The following PDS5B variants were observed in gnomAD, a reference collection of about 807,000 sequenced individuals.
The protein encoded by PDS5B is sister chromatid cohesion protein PDS5 homolog B.
PDS5B carries 51 observed loss-of-function variants against 184.1 expected under a neutral mutation model. That is an observed-to-expected ratio of 0.28 (90% CI 0.22 to 0.35). The LOEUF is 0.35. PDS5B is among the 10% of genes least tolerant of loss of function. The probability of loss-of-function intolerance (pLI) is 1.00; values close to 1 mark genes in which losing one functional copy is unlikely to be tolerated. For synonymous variants in PDS5B, 566 were observed against 569.2 expected, an observed-to-expected ratio of 0.99 and a Z score of 0.08; for missense variants, 1,180 against 1,723.3, an observed-to-expected ratio of 0.68 and a Z score of 5.58.
chr13:32,767,117 T>G (rs1954610415), intron 31 of PDS5B, among the ~76,000 whole-genome samples: 1 of 152,154 alleles, frequency 6.6e-6, no homozygotes, highest in African/African-American at 2.4e-5. Context: ...TCTTTTACTA[T>G]GATAGTATAT....
intron 10 of PDS5B, among the ~76,000 whole-genome samples, chr13:32,682,851 C>T (rs938635600): frequency 5.3e-5 from 8 of 152,048 alleles, no homozygotes; most frequent in African/African-American, 1.9e-4. Flanking sequence ...AGTGTTCTTC[C>T]TGGAAATAAG....
At chr13:32,629,181 A>G (rs1239494550) in intron 1 of PDS5B, among the ~76,000 whole-genome samples, 2 of 152,162 alleles carry the variant, frequency 1.3e-5, no homozygotes, top group African/African-American at 4.8e-5. Flanking sequence ...TATATTGCAC[A>G]TTGTTATAAT....
chr13:32,667,843 A>G lies in PDS5B; in HGVS notation c.704A>G (p.Asn235Ser). ...CAAGCTATTGAGCCATATATTACCA[A>G]TGTAAGTCTTACTTGTAATTGGTTG... ...TAQAIEPYIT[N>S]FFNQVLMLGK... is the part of the protein sequence containing the mutation. The change falls in exon 7 of 35, where the codon AAT becomes AGT. Residue 235 changes from asparagine (N) to serine (S), a missense_variant and splice_region_variant. Transcript: ENST00000315596. 3 of 1,540,858 alleles carry G rather than the reference A, an allele frequency of 1.9e-6. No individual in the cohort carries two copies. Among genetic ancestry groups the G allele is most frequent in the Non-Finnish European group, 2.6e-6 (3 of 1,138,710 alleles).
At chr13:32,588,184 G>A (rs953647369) in intron 1 of PDS5B, among the ~76,000 whole-genome samples, 2 of 152,198 alleles carry the variant, frequency 1.3e-5, no homozygotes, top group Non-Finnish European at 2.9e-5. Flanking sequence ...ATTCAATGGT[G>A]TATGCAGGTC....
At chr13:32,757,294 C>T (rs563319374) in intron 26 of PDS5B, among the ~76,000 whole-genome samples, 1 of 152,120 alleles carries the variant, frequency 6.6e-6, no homozygotes, top group African/African-American at 2.4e-5. Flanking sequence ...TCTAAGTAGC[C>T]CCAGTGTAGC....
At chr13:32,624,571 G>A (rs148338022) in intron 1 of PDS5B, among the ~76,000 whole-genome samples, 2 of 152,090 alleles carry the variant, frequency 1.3e-5, no homozygotes, top group South Asian at 4.1e-4. Flanking sequence ...TTGGCAATGA[G>A]GTTATAATAT....
In PDS5B at chr13:32,646,369, G is replaced by GTTTTT. The variant is rs58539534; in HGVS notation, c.-19-2366_-19-2362dup. Among the ~76,000 whole-genome samples the GTTTTT allele has an allele frequency of 1.5e-4, 16 of 106,070 alleles. 2 individuals are homozygous for GTTTTT. Among genetic ancestry groups the GTTTTT allele is most frequent in the African/African-American group, 5.5e-4 (14 of 25,564 alleles). 69.6% of individuals were successfully genotyped at this position (106,070 alleles called of 152,430 possible). A position where few individuals can be genotyped will look rare whatever the true frequency, so the allele number is the denominator to read the frequency against. Reference sequence around the variant, plus strand: ...CAATGATTTATTCTCTCATGGCTGTGTTTTTTTTTTTTTTTTTTTTTTTGC... The same window carrying GTTTTT: ...CAATGATTTATTCTCTCATGGCTGTGTTTTTTTTTTTTTTTTTTTTTTTTTTTTGC... On this transcript the variant is annotated intron_variant, in intron 1 of 34. Transcript: ENST00000315596.
chr13:32,766,864 T>C (rs927370601), intron 31 of PDS5B, among the ~76,000 whole-genome samples: 2 of 152,150 alleles, frequency 1.3e-5, no homozygotes, highest in Admixed American at 1.3e-4. Context: ...TTTCCAGAGC[T>C]TAAAGGAAAT....
At chr13:32,612,775 A>G (rs1042213459) in intron 1 of PDS5B, among the ~76,000 whole-genome samples, 3 of 152,192 alleles carry the variant, frequency 2.0e-5, no homozygotes, top group East Asian at 3.8e-4. Flanking sequence ...GCCTTCCACC[A>G]TATTATGTGG....
intron 1 of PDS5B, among the ~76,000 whole-genome samples, chr13:32,643,921 C>T (rs2140635120): frequency 6.6e-6 from 1 of 152,218 alleles, no homozygotes; most frequent in South Asian, 2.1e-4. Context: ...CCTGGAACGT[C>T]GATGAACTAG....
chr13:32,750,959 G>C (rs779126593), intron 24 of PDS5B, among the ~76,000 whole-genome samples: 8 of 151,832 alleles, frequency 5.3e-5, no homozygotes, highest in Non-Finnish European at 1.0e-4. Context: ...CAGAAGTTAG[G>C]TGTACAGATT....
At chr13:32,648,971 A>G (rs929884564) in intron 2 of PDS5B, 91 bp downstream of exon 2, 19 of 735,028 alleles carry the variant, frequency 2.6e-5, no homozygotes, top group African/African-American at 5.3e-5. Context: ...TGTTGGGGTA[A>G]CTTAAAAAAG....
chr13:32,745,505 A>G (rs1953710944), intron 23 of PDS5B, among the ~76,000 whole-genome samples: 1 of 152,188 alleles, frequency 6.6e-6, no homozygotes, highest in Admixed American at 6.5e-5. Context: ...AGTATTGCTA[A>G]ATTATTTTCT....
At chr13:32,729,462 A>G (rs1953025801) in intron 19 of PDS5B, among the ~76,000 whole-genome samples, 2 of 152,164 alleles carry the variant, frequency 1.3e-5, no homozygotes, top group Admixed American at 6.5e-5. Flanking sequence ...GTATATACCT[A>G]GTAATGGGAT....
intron 31 of PDS5B, among the ~76,000 whole-genome samples, chr13:32,766,217 C>T (rs1954582727): frequency 6.6e-6 from 1 of 152,160 alleles, no homozygotes; most frequent in Non-Finnish European, 1.5e-5. Flanking sequence ...ATACCCACAC[C>T]TATAGTGTAC....
intron 3 of PDS5B, 83 bp downstream of exon 3, chr13:32,652,090 A>G (rs1458414974): frequency 5.4e-6 from 5 of 928,530 alleles, no homozygotes; most frequent in Non-Finnish European, 8.8e-6. Flanking sequence ...AGGTATTTAG[A>G]TGATTTCCTT....
chr13:32,732,569 T>C (rs1856235902), intron 20 of PDS5B, among the ~76,000 whole-genome samples: 1 of 152,132 alleles, frequency 6.6e-6, no homozygotes, highest in Non-Finnish European at 1.5e-5. Flanking sequence ...GATCAAAAAA[T>C]TTGAATTCTG....
intron 1 of PDS5B, among the ~76,000 whole-genome samples, chr13:32,629,547 C>G (rs964009136): frequency 2.0e-5 from 3 of 152,130 alleles, no homozygotes; most frequent in African/African-American, 7.2e-5. Context: ...ACTCACTGAC[C>G]CATTAGGTTT....
chr13:32,669,201 A>G (rs1412507394), intron 7 of PDS5B, among the ~76,000 whole-genome samples: 3 of 151,078 alleles, frequency 2.0e-5, no homozygotes, highest in Non-Finnish European at 4.4e-5. Flanking sequence ...CTAAATGACT[A>G]TTTCCATGGG....
Sources: gnomAD v4.1 joint callset for allele counts (sites outside exome capture counted in the v4.1 genomes callset) on GRCh38, gnomAD v4.1.1 for gene constraint, MANE v1.5 for transcripts, NCBI Gene and HGNC (gene_info 2026-07-23, HGNC 2026-07-21) for gene names.